Variants in EPHA7 observed in about 807,000 individuals in gnomAD.
The protein encoded by EPHA7 is ephrin type-A receptor 7.
In EPHA7, 25 loss-of-function variants were observed where a neutral mutation model predicts 112.6. The observed-to-expected ratio is 0.22, with a 90% CI of 0.16 to 0.31. The LOEUF is 0.31. EPHA7 is among the 10% of genes least tolerant of loss of function. The pLI is 1.00. For synonymous variants in EPHA7, 437 were observed against 406.5 expected (o/e 1.07, Z -0.90); for missense variants, 962 against 1,212.6 (o/e 0.79, Z 3.07).
chr6:93,262,947 C>T (rs2127866288), intron 9 of EPHA7, among the ~76,000 whole-genome samples: 1 of 151,274 alleles, frequency 6.6e-6, no homozygotes, highest in South Asian at 2.1e-4. Flanking sequence ...CAGATATTGA[C>T]ATAAGAATCT....
At chr6:93,334,810 A>G (rs1774778521) in intron 5 of EPHA7, among the ~76,000 whole-genome samples, 1 of 152,116 alleles carries the variant, frequency 6.6e-6, no homozygotes, top group East Asian at 1.9e-4. Context: ...ATAACCATGA[A>G]CATATTTGCA....
At chr6:93,346,040 T>G (rs1451073719) in intron 5 of EPHA7, among the ~76,000 whole-genome samples, 2 of 151,684 alleles carry the variant, frequency 1.3e-5, no homozygotes, top group Admixed American at 1.3e-4. Context: ...TCACCTACAT[T>G]TCATAGCTTT....
rs1056914009 is a variant in EPHA7, at chr6:93,243,072, A to T, written c.*354T>A. On this transcript the variant is annotated 3_prime_UTR_variant, in exon 17 of 17. Transcript: ENST00000369303. ...ATATTTCATTAATTTTAACAATAAG[A>T]TCATGATTTTATTTGACAAATATAT... 1 of 233,188 alleles carries T rather than the reference A, an allele frequency of 4.3e-6. No individual in the cohort carries two copies. The highest frequency in any genetic ancestry group is 8.5e-6 in the Non-Finnish European group (1 of 118,314). 14.4% of individuals were successfully genotyped at this position (233,188 alleles called of 1,614,324 possible).
chr6:93,302,010 T>C (rs1446067058), intron 5 of EPHA7, among the ~76,000 whole-genome samples: 1 of 152,178 alleles, frequency 6.6e-6, no homozygotes, highest in Non-Finnish European at 1.5e-5. Context: ...TGAGAGCACA[T>C]AGCTTCTCTG....
At chr6:93,245,198 G>C (rs1769891903) in intron 16 of EPHA7, 100 bp downstream of exon 16, 1 of 1,115,346 alleles carries the variant, frequency 9.0e-7, no homozygotes, top group Non-Finnish European at 1.3e-6. Flanking sequence ...TCTTGATTTT[G>C]GGATTCAAAT....
intron 5 of EPHA7, among the ~76,000 whole-genome samples, chr6:93,300,572 T>G (rs1333950339): frequency 6.6e-6 from 1 of 152,146 alleles, no homozygotes; most frequent in African/African-American, 2.4e-5. Context: ...TCCTCGATGT[T>G]TAGTCAAATT....
chr6:93,416,096 A>T lies in EPHA7; in HGVS notation c.98-1329T>A, dbSNP rs1779208595. On this transcript the variant is annotated intron_variant, in intron 1 of 16. Coordinates refer to ENST00000369303, the MANE Select transcript of EPHA7 (RefSeq NM_004440.4). Reference sequence around the variant, plus strand: ...ACTCTCAGGGAGACTGACAGGAAAAAAAAAAACTTGATCAGAAACATTTGA... The same window carrying T: ...ACTCTCAGGGAGACTGACAGGAAAATAAAAAACTTGATCAGAAACATTTGA... 2.0e-5 allele frequency among the ~76,000 whole-genome samples: 3 copies of T among 152,270 alleles called. No homozygotes were observed. In the South Asian group the frequency reaches 6.2e-4, roughly 32 times the overall value.
At chr6:93,380,622 A>T (rs3799806) in intron 3 of EPHA7, among the ~76,000 whole-genome samples, 21,326 of 152,108 alleles carry the variant, frequency 0.14, 1,997 homozygotes, top group Admixed American at 0.21. Flanking sequence ...ATTCAAGGAA[A>T]TGCTGCAGCA....
In EPHA7 at chr6:93,245,285, A is replaced by T. The variant is rs747397597; in HGVS notation, c.2882+13T>A. ...ATAAATCCTTAAATACAATTTTAAG[A>T]GTTTAAGCTTACTCAATAGTCATCC... is the stretch of plus-strand genomic sequence containing the variant. On this transcript the variant is annotated intron_variant, in intron 16 of 16. Transcript: ENST00000369303. The T allele has an allele frequency of 1.2e-6, 2 of 1,608,734 alleles. No individual in the cohort carries two copies. The highest frequency in any genetic ancestry group is 2.7e-5 in the African/African-American group (2 of 74,718).
intron 2 of EPHA7, 25 bp downstream of exon 2, chr6:93,414,678 A>G (rs1192740594): frequency 6.4e-7 from 1 of 1,571,776 alleles, no homozygotes; most frequent in Admixed American, 1.7e-5. Context: ...TAAAAAAGTG[A>G]TATTTTATGA....
chr6:93,311,141 T>TTTTTA (rs1773519550), intron 5 of EPHA7, among the ~76,000 whole-genome samples: 1 of 132,140 alleles, frequency 7.6e-6, no homozygotes, highest in African/African-American at 2.9e-5. Context: ...TTTTTTTTTT[T>TTTTTA]ACAGAGATTG....
intron 7 of EPHA7, 60 bp from the exon 8 acceptor site, chr6:93,264,762 A>C: frequency 1.1e-6 from 1 of 913,594 alleles, no homozygotes; most frequent in Non-Finnish European, 1.6e-6. Context: ...TTGAAAGGTT[A>C]AATAAAATTA....
intron 5 of EPHA7, among the ~76,000 whole-genome samples, 168 bp from the exon 6 acceptor site, chr6:93,272,590 T>TTAC (rs1304616958): frequency 3.3e-5 from 5 of 152,056 alleles, no homozygotes; most frequent in African/African-American, 1.2e-4. Flanking sequence ...CAGGACCTTA[T>TTAC]TACTGTTCAT....
At chr6:93,279,640 T>C (rs1771636242) in intron 5 of EPHA7, among the ~76,000 whole-genome samples, 1 of 152,180 alleles carries the variant, frequency 6.6e-6, no homozygotes, top group African/African-American at 2.4e-5. Context: ...TAAAATATTC[T>C]AGAGCAGTGC....
In EPHA7 at chr6:93,384,743, G is replaced by T. The variant is rs112129436; in HGVS notation, c.832+25758C>A. On this transcript the variant is annotated intron_variant, in intron 3 of 16. Transcript: ENST00000369303. ...GAAATTTATTCCCTCACTTTAATTA[G>T]AATTAATTTCTGACTTATATTGTAA... 9.8e-3 allele frequency among the ~76,000 whole-genome samples: 1,497 copies of T among 152,106 alleles called. 22 individuals are homozygous for T. Among genetic ancestry groups the T allele is most frequent in the African/African-American group, 0.034 (1,408 of 41,484 alleles).
intron 5 of EPHA7, among the ~76,000 whole-genome samples, chr6:93,349,933 T>C (rs745853173): frequency 2.0e-5 from 3 of 151,926 alleles, no homozygotes; most frequent in Non-Finnish European, 4.4e-5. Flanking sequence ...GTTGGTTTTG[T>C]CTTTTTTGGG....
At chr6:93,384,932 A>G (rs1286983120) in intron 3 of EPHA7, among the ~76,000 whole-genome samples, 1 of 152,198 alleles carries the variant, frequency 6.6e-6, no homozygotes, top group Non-Finnish European at 1.5e-5. Flanking sequence ...ATATGAAATA[A>G]CAGACCATCA....
chr6:93,251,493 C>CT (rs1023159003), intron 14 of EPHA7, among the ~76,000 whole-genome samples: 2 of 141,006 alleles, frequency 1.4e-5, no homozygotes, highest in Non-Finnish European at 3.1e-5. Flanking sequence ...TTTAAAAATA[C>CT]TTTTTTCTTA....
chr6:93,339,411 G>C (rs1775033472), intron 5 of EPHA7, among the ~76,000 whole-genome samples: 3 of 151,754 alleles, frequency 2.0e-5, no homozygotes, highest in Non-Finnish European at 4.4e-5. Flanking sequence ...CTTTGCCACA[G>C]TTAAATTTAT....
Sources: allele counts gnomAD v4.1 joint callset (sites outside exome capture counted in the v4.1 genomes callset), GRCh38; gene constraint gnomAD v4.1.1; transcripts MANE v1.5; gene names NCBI Gene and HGNC (gene_info 2026-07-23, HGNC 2026-07-21).